The following EML1 variants were observed in gnomAD, a reference collection of about 807,000 sequenced individuals.
EML1 encodes EMAP like 1, also known as echinoderm microtubule-associated protein-like 1.
A neutral mutation model predicts 110.4 loss-of-function variants in EML1; 27 were observed. The ratio of observed to expected loss-of-function variants is 0.24; its 90% CI spans 0.18 to 0.34. EML1 has a LOEUF of 0.34. EML1 is among the 10% of genes least tolerant of loss of function. The pLI, the probability that EML1 is intolerant of heterozygous loss-of-function variation, is 1.00. For synonymous variants in EML1, 344 were observed against 385.8 expected (o/e 0.89, Z 1.27); for missense variants, 741 against 1,030.9 (o/e 0.72, Z 3.85).
At chr14:99,830,770 C>T (rs866074193) in intron 1 of EML1, among the ~76,000 whole-genome samples, 5 of 152,216 alleles carry the variant, frequency 3.3e-5, no homozygotes, top group Middle Eastern at 3.4e-3. Context: ...AGGCTGGTCT[C>T]GAACTCCTGA....
chr14:99,913,685 TGGC>T (rs754280261), intron 13 of EML1, among the ~76,000 whole-genome samples: 29 of 152,256 alleles, frequency 1.9e-4, no homozygotes, highest in Non-Finnish European at 4.0e-4. Flanking sequence ...ACTCAACAGT[TGGC>T]TGTGGTATCT....
intron 4 of EML1, among the ~76,000 whole-genome samples, chr14:99,887,343 G>A (rs2059497109): frequency 1.3e-5 from 2 of 152,212 alleles, no homozygotes; most frequent in African/African-American, 4.8e-5. Context: ...CTTAACACCA[G>A]AATAGCCAAG....
intron 1 of EML1, among the ~76,000 whole-genome samples, chr14:99,775,558 A>G (rs2057472589): frequency 6.6e-6 from 1 of 152,232 alleles, no homozygotes; most frequent in Admixed American, 6.5e-5. Flanking sequence ...ATCCCACGCC[A>G]GCAAGGTTGA....
intron 6 of EML1, among the ~76,000 whole-genome samples, chr14:99,896,383 G>C (rs903284672): frequency 4.0e-5 from 6 of 151,330 alleles, no homozygotes; most frequent in African/African-American, 1.5e-4. Flanking sequence ...AGATTCAAAT[G>C]TCATAGGCAT....
In EML1 at chr14:99,894,719, A is replaced by G. The variant is rs749951880; in HGVS notation, c.638A>G (p.Lys213Arg). The change falls in exon 6 of 22, where the codon AAA (lysine) becomes AGA (arginine). Residue 213 changes from lysine (K) to arginine (R), a missense_variant. By Grantham distance (26) the Lys-to-Arg change is conservative. Coordinates refer to ENST00000262233, the MANE Select transcript of EML1 (RefSeq NM_004434.3). ...GTGGATTCTTACAGCTTGGAAGCAA[A>G]AGTAGAACTTCCAACCAAGAGACTC... ...DQVDSYSLEA[K>R]VELPTKRLKL... The G allele has an allele frequency of 3.7e-6, 6 of 1,613,492 alleles. No individual in the cohort carries two copies. Among genetic ancestry groups the G allele is most frequent in the Admixed American group, 1.7e-5 (1 of 59,920 alleles).
intron 6 of EML1, among the ~76,000 whole-genome samples, chr14:99,896,451 G>A (rs566669659): frequency 3.8e-4 from 58 of 152,124 alleles, no homozygotes; most frequent in Admixed American, 5.9e-4. Flanking sequence ...GCTTCAGCTC[G>A]TCTTTAAGTC....
intron 8 of EML1, among the ~76,000 whole-genome samples, 199 bp from the exon 9 acceptor site, chr14:99,900,730 A>C (rs2059749909): frequency 6.6e-6 from 1 of 152,124 alleles, no homozygotes; most frequent in African/African-American, 2.4e-5. Context: ...TTACTGTTAA[A>C]TTATCAACAA....
chr14:99,804,788 C>T (rs2057941313), intron 1 of EML1, among the ~76,000 whole-genome samples: 1 of 152,174 alleles, frequency 6.6e-6, no homozygotes, highest in South Asian at 2.1e-4. Flanking sequence ...TCTTCAAATC[C>T]TACTTCTTCA....
chr14:99,886,433 A>T (rs1159253326), intron 4 of EML1, among the ~76,000 whole-genome samples: 1 of 151,842 alleles, frequency 6.6e-6, no homozygotes, highest in East Asian at 1.9e-4. Context: ...GTGAGCCGAG[A>T]TCACACCACT....
intron 17 of EML1, among the ~76,000 whole-genome samples, chr14:99,928,994 G>T (rs1440457776): frequency 1.3e-5 from 2 of 152,198 alleles, no homozygotes; most frequent in East Asian, 3.8e-4. Context: ...TTGAACGTCT[G>T]CTGAAGGCAC....
In EML1 at chr14:99,883,071, C is replaced by T. The variant is rs117627528; in HGVS notation, c.518+4452C>T. On this transcript the variant is annotated intron_variant, in intron 4 of 21. Transcript: ENST00000262233. The stretch of plus-strand genomic sequence containing the variant: ...TTTACGATAGCATCACTGCTGCCGT[C>T]GGCTCAACAGTACTCCTTGGCTGGG... Among the ~76,000 whole-genome samples the T allele has an allele frequency of 7.2e-3, 1,098 of 152,282 alleles. 8 individuals are homozygous for T. The highest frequency in any genetic ancestry group is 0.011 in the Non-Finnish European group (748 of 68,030).
In EML1 at chr14:99,865,710, G is replaced by A. The variant is rs566669377; in HGVS notation, c.383+64G>A. ...AGTTCTCTCTTAGATTCCAACATGA[G>A]TATTACTTTTTAAAATGACATTGTA... is the stretch of plus-strand genomic sequence containing the variant. On this transcript the variant is annotated intron_variant, in intron 3 of 21. Coordinates refer to ENST00000262233, the MANE Select transcript of EML1 (RefSeq NM_004434.3). The A allele has an allele frequency of 1.2e-4, 188 of 1,543,648 alleles. 2 individuals are homozygous for A. In the South Asian group the frequency reaches 2.2e-3, roughly 18 times the overall value.
At chr14:99,796,905 G>C (rs549402714) in intron 1 of EML1, among the ~76,000 whole-genome samples, 5 of 131,412 alleles carry the variant, frequency 3.8e-5, no homozygotes, top group African/African-American at 1.3e-4. Flanking sequence ...ATCTTTGTGT[G>C]TGTATGTGTG....
chr14:99,900,668 T>G (rs1451491283), intron 8 of EML1, among the ~76,000 whole-genome samples: 7 of 152,362 alleles, frequency 4.6e-5, no homozygotes, highest in Non-Finnish European at 1.0e-4. Context: ...GTTCCCATGG[T>G]ACTATTGTCA....
rs373162028 is a variant in EML1 at position 99,920,982 on chromosome 14, T to A, written c.1909+105T>A. ...TCGGTTTGTTACATAGGTAAACGTGTGCCATGGTGGTTTAACGCACAGATC... is the reference window on the plus strand; with the variant it reads ...TCGGTTTGTTACATAGGTAAACGTGAGCCATGGTGGTTTAACGCACAGATC... On this transcript the variant is annotated intron_variant, in intron 17 of 21. Coordinates refer to ENST00000262233, the MANE Select transcript of EML1 (RefSeq NM_004434.3). The A allele has an allele frequency of 1.1e-4, 115 of 1,067,418 alleles. 2 individuals carry two copies. The African/African-American group carries it at 1.7e-3, about 15-fold the overall frequency. The allele number at this position is 1,067,418 out of a possible 1,614,324, so 66.1% of individuals were successfully genotyped here.
chr14:99,923,654 T>C (rs1256238166), intron 17 of EML1, among the ~76,000 whole-genome samples: 1 of 52,034 alleles, frequency 1.9e-5, no homozygotes. Context: ...TTCACCTGTG[T>C]TTATCCCCGA....
At chr14:99,746,320 G>A (rs1184975057) in intron 1 of EML1, among the ~76,000 whole-genome samples, 1 of 152,156 alleles carries the variant, frequency 6.6e-6, no homozygotes, top group Non-Finnish European at 1.5e-5. Flanking sequence ...GGTGGCTTGG[G>A]GGAAGGGCCT....
chr14:99,901,995 C>T (rs1211506347), intron 9 of EML1, among the ~76,000 whole-genome samples: 1 of 152,176 alleles, frequency 6.6e-6, no homozygotes. Context: ...GATCCATCTT[C>T]TGTAACTTCT....
intron 1 of EML1, among the ~76,000 whole-genome samples, chr14:99,775,922 G>A (rs11851987): frequency 0.055 from 8,418 of 152,198 alleles, 262 homozygotes; most frequent in African/African-American, 0.075. Flanking sequence ...GTTTTGACAC[G>A]AAAATAATAT....
Sources: gnomAD v4.1 joint callset for allele counts (sites outside exome capture counted in the v4.1 genomes callset) on GRCh38, gnomAD v4.1.1 for gene constraint, MANE v1.5 for transcripts, NCBI Gene and HGNC (gene_info 2026-07-23, HGNC 2026-07-21) for gene names.